INPP4B: variants seen among roughly 807,000 people sequenced by gnomAD.
The protein encoded by INPP4B is inositol polyphosphate 4-phosphatase type II.
INPP4B carries 55 observed loss-of-function variants against 122.5 expected under a neutral mutation model. The ratio of observed to expected loss-of-function variants is 0.45; its 90% CI spans 0.36 to 0.56. The LOEUF (loss-of-function observed/expected upper bound fraction) is 0.56, where lower values mean the gene tolerates loss of function less well. Among genes scored for constraint, INPP4B ranks in the 20% least tolerant of loss-of-function variants. The probability of loss-of-function intolerance (pLI) is 0.00; values close to 1 mark genes in which losing one functional copy is unlikely to be tolerated. For synonymous variants in INPP4B, 403 were observed against 388.7 expected (o/e 1.04, Z -0.43); for missense variants, 1,000 against 1,097.7 (o/e 0.91, Z 1.26).
At chr4:142,316,087 T>C (rs543616404) in intron 7 of INPP4B, among the ~76,000 whole-genome samples, 15 of 152,316 alleles carry the variant, frequency 9.8e-5, no homozygotes, top group African/African-American at 3.6e-4. Flanking sequence ...TTTGAACTTC[T>C]AGCTTAATGC....
In INPP4B at chr4:142,499,382, G is replaced by A. The variant is rs139274621; in HGVS notation, c.-190-36656C>T. Among the ~76,000 whole-genome samples the A allele has an allele frequency of 1.8e-3, 268 of 152,158 alleles. 7 individuals carry two copies. The East Asian group carries it at 0.039, about 22-fold the overall frequency. On this transcript the variant is annotated intron_variant, in intron 2 of 25. Transcript: ENST00000262992. ...GAGTTATTGTTAGCATATCCCATTTGATTAGAAGGGATTTTAACAAGAAAC... is the reference window on the plus strand; with the variant it reads ...GAGTTATTGTTAGCATATCCCATTTAATTAGAAGGGATTTTAACAAGAAAC...
chr4:142,729,620 C>G (rs770327299), intron 1 of INPP4B, among the ~76,000 whole-genome samples: 2 of 152,128 alleles, frequency 1.3e-5, no homozygotes, highest in Non-Finnish European at 2.9e-5. Context: ...AAAGTTGATT[C>G]TCTCCCCGTT....
chr4:142,712,922 T>C (rs576312222), intron 2 of INPP4B, among the ~76,000 whole-genome samples: 5 of 152,304 alleles, frequency 3.3e-5, no homozygotes, highest in Non-Finnish European at 5.9e-5. Context: ...ATAACAAACA[T>C]GTCCAGGCTC....
Position 142,293,040 on chromosome 4 carries a change from C to CTT in INPP4B, c.503+12416_503+12417dup, listed in dbSNP as rs367850143. On this transcript the variant is annotated intron_variant, in intron 9 of 25. Transcript: ENST00000262992. The stretch of plus-strand genomic sequence containing the variant: ...AAGGTAATTACCTAATTTTTATACC[C>CTT]TTTTTTTTTTTTTTTAAGACAGAGT... 3.8e-3 allele frequency among the ~76,000 whole-genome samples: 558 copies of CTT among 145,910 alleles called. 4 individuals are homozygous for CTT. Among genetic ancestry groups the CTT allele is most frequent in the Middle Eastern group, 7.0e-3 (2 of 286 alleles).
chr4:142,244,135 C>A (rs1357320793), intron 11 of INPP4B, among the ~76,000 whole-genome samples: 2 of 151,216 alleles, frequency 1.3e-5, no homozygotes, highest in African/African-American at 4.9e-5. Flanking sequence ...CTGTTCAACT[C>A]CCACTTACGA....
intron 16 of INPP4B, among the ~76,000 whole-genome samples, chr4:142,168,691 T>C (rs1443178294): frequency 6.6e-6 from 1 of 151,612 alleles, no homozygotes; most frequent in African/African-American, 2.4e-5. Context: ...AGCTTATTCC[T>C]AATATTTATT....
At chr4:142,429,369 A>G (rs1045739359) in intron 4 of INPP4B, 152 bp from the exon 5 acceptor site, 44 of 546,722 alleles carry the variant, frequency 8.0e-5, no homozygotes, top group Admixed American at 1.4e-4. Flanking sequence ...ATAAATAATC[A>G]GTTCTCAGGG....
intron 1 of INPP4B, among the ~76,000 whole-genome samples, chr4:142,740,150 A>G (rs1201923290): frequency 6.6e-6 from 1 of 152,050 alleles, no homozygotes; most frequent in African/African-American, 2.4e-5. Flanking sequence ...GAGAACATAA[A>G]CAACAGAAAT....
rs1020053386 is a variant in INPP4B, at chr4:142,325,265, C to T, written c.373-10503G>A. On this transcript the variant is annotated intron_variant, in intron 7 of 25. Coordinates refer to ENST00000262992, the MANE Select transcript of INPP4B (RefSeq NM_001101669.3). ...TAAGCTAAGAAATCTTCCAAACATG[C>T]GGTCAAGGGATGAAAAATGATATTC... 6.6e-5 allele frequency among the ~76,000 whole-genome samples: 10 copies of T among 152,194 alleles called. No individual in the cohort carries two copies. In the East Asian group the frequency reaches 1.5e-3, roughly 24 times the overall value.
At position 142,549,383 on chromosome 4, in the gene INPP4B, G is replaced by A. The variant is rs571794891; in HGVS notation, c.-190-86657C>T. 1.2e-4 allele frequency among the ~76,000 whole-genome samples: 18 copies of A among 152,152 alleles called. No homozygotes were observed. In the South Asian group the frequency reaches 2.5e-3, roughly 21 times the overall value. ...CGGTAATGACTAGATGTCAGTTTCT[G>A]GAGCATGTCCAGAGAAGATTTAGGA... On this transcript the variant is annotated intron_variant, in intron 2 of 25. Transcript: ENST00000262992.
At chr4:142,527,537 G>A (rs1182761542) in intron 2 of INPP4B, among the ~76,000 whole-genome samples, 1 of 152,052 alleles carries the variant, frequency 6.6e-6, no homozygotes, top group African/African-American at 2.4e-5. Context: ...GTCATGAATT[G>A]ATAAGCAACG....
chr4:142,659,397 C>A (rs1475820010), intron 2 of INPP4B, among the ~76,000 whole-genome samples: 1 of 151,292 alleles, frequency 6.6e-6, no homozygotes, highest in Non-Finnish European at 1.5e-5. Flanking sequence ...CAGAGTGAGA[C>A]TCTGTCTCAA....
intron 2 of INPP4B, among the ~76,000 whole-genome samples, chr4:142,470,819 C>T (rs1295771212): frequency 1.3e-5 from 2 of 151,814 alleles, no homozygotes; most frequent in Non-Finnish European, 2.9e-5. Flanking sequence ...GAGAAATAAT[C>T]CTAAATGTAT....
At chr4:142,103,673 T>C (rs1236357966) in intron 23 of INPP4B, among the ~76,000 whole-genome samples, 1 of 152,150 alleles carries the variant, frequency 6.6e-6, no homozygotes, top group Non-Finnish European at 1.5e-5. Flanking sequence ...AATTGAAAGA[T>C]ACTACGGCAT....
intron 7 of INPP4B, among the ~76,000 whole-genome samples, chr4:142,338,068 C>T (rs184145688): frequency 8.9e-4 from 136 of 152,160 alleles, no homozygotes; most frequent in Non-Finnish European, 1.2e-4. Context: ...CCAGAATTGC[C>T]TGTATTGCTT....
chr4:142,246,919 T>C (rs547372502), intron 11 of INPP4B, among the ~76,000 whole-genome samples: 7 of 152,328 alleles, frequency 4.6e-5, no homozygotes, highest in Non-Finnish European at 1.0e-4. Context: ...TTCAGTGTGA[T>C]ATTGGCTGTG....
intron 2 of INPP4B, among the ~76,000 whole-genome samples, chr4:142,573,137 A>G (rs1372409075): frequency 6.6e-6 from 1 of 151,928 alleles, no homozygotes; most frequent in Non-Finnish European, 1.5e-5. Flanking sequence ...AGCAGGGGAG[A>G]GAGAGAGAGC....
At chr4:142,263,136 C>A (rs1244860289) in intron 10 of INPP4B, among the ~76,000 whole-genome samples, 2 of 152,162 alleles carry the variant, frequency 1.3e-5, no homozygotes, top group Non-Finnish European at 2.9e-5. Flanking sequence ...CTGGAGGATG[C>A]TCCTAACAAT....
At chr4:142,689,615 G>A (rs1759866935) in intron 2 of INPP4B, among the ~76,000 whole-genome samples, 1 of 152,090 alleles carries the variant, frequency 6.6e-6, no homozygotes, top group Admixed American at 6.5e-5. Context: ...AATATTTGAA[G>A]AGCTAGTGGT....
Sources: gnomAD v4.1 joint callset for allele counts (sites outside exome capture counted in the v4.1 genomes callset) on GRCh38, gnomAD v4.1.1 for gene constraint, MANE v1.5 for transcripts, NCBI Gene and HGNC (gene_info 2026-07-23, HGNC 2026-07-21) for gene names.